ABLIM1: variants seen among roughly 807,000 people sequenced by gnomAD.
The protein encoded by ABLIM1 is actin-binding LIM protein 1.
ABLIM1 carries 40 observed loss-of-function variants against 107.0 expected under a neutral mutation model. That is an observed-to-expected ratio of 0.37 (90% CI 0.29 to 0.49). The LOEUF is 0.49. Among genes scored for constraint, ABLIM1 ranks in the 20% least tolerant of loss-of-function variants. ABLIM1 has a pLI of 0.97. For missense variants in ABLIM1, 857 were observed against 1,008.5 expected, an observed-to-expected ratio of 0.85 and a Z score of 2.04; for synonymous variants, 357 against 357.3, an observed-to-expected ratio of 1.00 and a Z score of 0.01.
intron 2 of ABLIM1, among the ~76,000 whole-genome samples, chr10:114,577,061 A>C (rs2072681680): frequency 6.6e-6 from 1 of 152,122 alleles, no homozygotes. Context: ...AAATTCCTTC[A>C]GCAACAATAG....
At chr10:114,635,702 A>C (rs1343477132) in intron 1 of ABLIM1, among the ~76,000 whole-genome samples, 2 of 152,336 alleles carry the variant, frequency 1.3e-5, no homozygotes, top group East Asian at 3.9e-4. Flanking sequence ...TAGTATTTTT[A>C]GTAGAGACAG....
upstream of ABLIM1, among the ~76,000 whole-genome samples, chr10:114,769,739 G>A (rs554740119): frequency 1.3e-5 from 2 of 152,100 alleles, no homozygotes; most frequent in South Asian, 4.2e-4. Flanking sequence ...ATGGATAATT[G>A]AGCATTGTTG....
chr10:114,538,738 C>T (rs1441497032), intron 6 of ABLIM1, among the ~76,000 whole-genome samples: 1 of 152,218 alleles, frequency 6.6e-6, no homozygotes, highest in African/African-American at 2.4e-5. Flanking sequence ...AGAATGCTCC[C>T]GTGCAGCCTG....
intron 1 of ABLIM1, among the ~76,000 whole-genome samples, chr10:114,630,548 T>C (rs2078107900): frequency 6.6e-6 from 1 of 152,226 alleles, no homozygotes; most frequent in South Asian, 2.1e-4. Flanking sequence ...TTCTCTTTTG[T>C]CCTGAGGTGC....
At chr10:114,514,994 T>C (rs2062581805) in intron 6 of ABLIM1, among the ~76,000 whole-genome samples, 1 of 152,096 alleles carries the variant, frequency 6.6e-6, no homozygotes, top group Non-Finnish European at 1.5e-5. Flanking sequence ...AAATGAAAAA[T>C]CTAACACAAC....
At chr10:114,683,177 T>C (rs1185958095) in intron 1 of ABLIM1, among the ~76,000 whole-genome samples, 1 of 152,224 alleles carries the variant, frequency 6.6e-6, no homozygotes, top group African/African-American at 2.4e-5. Context: ...GAGGTGACGT[T>C]ATCCTTTAGA....
intron 1 of ABLIM1, among the ~76,000 whole-genome samples, chr10:114,716,716 A>G (rs1268800478): frequency 1.3e-5 from 2 of 152,200 alleles, no homozygotes; most frequent in Non-Finnish European, 2.9e-5. Flanking sequence ...TAAAACTCCA[A>G]GAACAAACAA....
At chr10:114,773,793 A>C in the ABLIM1 span, among the ~76,000 whole-genome samples, 1 of 151,924 alleles carries the variant, frequency 6.6e-6, no homozygotes, top group Non-Finnish European at 1.5e-5. Context: ...GGCAAGATAG[A>C]TATTTTAAGA....
intron 1 of ABLIM1, among the ~76,000 whole-genome samples, chr10:114,611,812 A>G (rs1367798367): frequency 6.6e-6 from 1 of 152,204 alleles, no homozygotes; most frequent in Non-Finnish European, 1.5e-5. Flanking sequence ...TCCTAAAAGC[A>G]TGACTCCTTT....
chr10:114,574,605 A>G (rs1371520717), intron 3 of ABLIM1, among the ~76,000 whole-genome samples: 2 of 151,828 alleles, frequency 1.3e-5, no homozygotes, highest in Non-Finnish European at 2.9e-5. Flanking sequence ...TCGCCTGGCT[A>G]ATTTTTTTGT....
chr10:114,484,093 G>A (rs2475224), intron 8 of ABLIM1, among the ~76,000 whole-genome samples: 24,028 of 152,094 alleles, frequency 0.16, 2,470 homozygotes, highest in East Asian at 0.5. Context: ...TCCTTCTTCT[G>A]CTTCTTTCGG....
At chr10:114,458,634 G>A (rs867117316) in intron 12 of ABLIM1, among the ~76,000 whole-genome samples, 23 of 152,130 alleles carry the variant, frequency 1.5e-4, no homozygotes, top group African/African-American at 5.6e-4. Flanking sequence ...GCGTCAATAA[G>A]AGTTACGGTT....
chr10:114,635,351 T>A (rs924287211), intron 1 of ABLIM1, among the ~76,000 whole-genome samples: 3 of 152,226 alleles, frequency 2.0e-5, no homozygotes, highest in African/African-American at 7.2e-5. Context: ...GAGGGAAATG[T>A]TACAGCTAGA....
intron 1 of ABLIM1, among the ~76,000 whole-genome samples, chr10:114,605,993 T>G (rs781318791): frequency 5.3e-5 from 8 of 152,072 alleles, no homozygotes; most frequent in Non-Finnish European, 8.8e-5. Context: ...GAAATCCCAG[T>G]AATCTTCAGT....
upstream of ABLIM1, among the ~76,000 whole-genome samples, chr10:114,771,505 C>T (rs2083024630): frequency 6.6e-6 from 1 of 152,174 alleles, no homozygotes; most frequent in Admixed American, 6.5e-5. Flanking sequence ...GATTTTCTTA[C>T]ATTTTGGAGT....
At chr10:114,789,791 GT>G in the ABLIM1 span, among the ~76,000 whole-genome samples, 2,841 of 134,958 alleles carry the variant, frequency 0.021, 49 homozygotes, top group African/African-American at 0.066. Context: ...ATGTATATTT[GT>G]TTTTTTTTTT....
intron 6 of ABLIM1, among the ~76,000 whole-genome samples, chr10:114,533,118 T>C (rs2065624768): frequency 6.6e-6 from 1 of 152,176 alleles, no homozygotes; most frequent in African/African-American, 2.4e-5. Flanking sequence ...GGTGGGTGGA[T>C]CATTTGAGGT....
chr10:114,658,283 T>G, upstream of ABLIM1: 1 of 1,520,924 alleles, frequency 6.6e-7, no homozygotes, highest in Non-Finnish European at 8.8e-7. Context: ...TCTGTTCCCC[T>G]GGCTCCTTAC....
At chr10:114,542,410 T>TA (rs1186576100) in intron 6 of ABLIM1, among the ~76,000 whole-genome samples, 2,825 of 49,418 alleles carry the variant, frequency 0.057, 106 homozygotes, top group African/African-American at 0.18. Context: ...ACCTTGTCTC[T>TA]AAAAAAAAAA....
Sources: gnomAD v4.1 joint callset for allele counts (sites outside exome capture counted in the v4.1 genomes callset) on GRCh38, gnomAD v4.1.1 for gene constraint, MANE v1.5 for transcripts, NCBI Gene and HGNC (gene_info 2026-07-23, HGNC 2026-07-21) for gene names.